The following BCL7C variants were observed in gnomAD, a reference collection of about 807,000 sequenced individuals.
BCL7C encodes B-cell CLL/lymphoma 7 protein family member C.
BCL7C carries 8 observed loss-of-function variants against 26.2 expected under a neutral mutation model. The ratio of observed to expected loss-of-function variants is 0.30; its 90% CI spans 0.18 to 0.55. BCL7C has a LOEUF of 0.55. Ranked by LOEUF, BCL7C falls within the 20% of genes least tolerant of loss-of-function variation. The pLI is 0.93. For missense variants in BCL7C, 262 were observed against 298.5 expected (o/e 0.88, Z 0.90); for synonymous variants, 90 against 116.5 (o/e 0.77, Z 1.47).
At position 30,892,761 on chromosome 16, in the gene BCL7C, A is replaced by G; in HGVS notation, c.281-14T>C. 4.3e-6 allele frequency: 7 copies of G among 1,614,126 alleles called. No homozygotes were observed. The highest frequency in any genetic ancestry group is 5.9e-6 in the Non-Finnish European group (7 of 1,180,004). On this transcript the variant is annotated splice_polypyrimidine_tract_variant and intron_variant, in intron 3 of 5. Transcript: ENST00000215115. ...TGCTGTTCTCATCTGCGGGAGCAAG[A>G]GCCGAGATGGTTGGCCTGAGATCCC...
intron 5 of BCL7C, chr16:30,876,148 T>C (rs2054946085): frequency 6.6e-6 from 1 of 152,284 alleles, no homozygotes; most frequent in Non-Finnish European, 1.5e-5. Flanking sequence ...CCTTGTGCCG[T>C]ACCCGGAGGG....
intron 5 of BCL7C, among the ~76,000 whole-genome samples, chr16:30,878,001 C>T (rs1468851269): frequency 6.6e-6 from 1 of 151,190 alleles, no homozygotes; most frequent in Non-Finnish European, 1.5e-5. Context: ...ATGGTGAAAC[C>T]CCATCTCTAC....
chr16:30,886,667 A>G (rs1169505064), downstream of BCL7C, among the ~76,000 whole-genome samples: 2 of 152,172 alleles, frequency 1.3e-5, no homozygotes, highest in African/African-American at 4.8e-5. Flanking sequence ...ATGAAGCCCA[A>G]GGGGTTGCTG....
chr16:30,889,469 C>G (rs1333927199), intron 4 of BCL7C, among the ~76,000 whole-genome samples: 1 of 152,088 alleles, frequency 6.6e-6, no homozygotes. Flanking sequence ...AGGCCCACAT[C>G]AGGGTTTTCT....
chr16:30,893,921 G>A lies in BCL7C; in HGVS notation c.24C>T (p.Ala8=), dbSNP rs758927922. 2.5e-6 allele frequency: 4 copies of A among 1,595,442 alleles called. No individual in the cohort carries two copies. Among genetic ancestry groups the A allele is most frequent in the African/African-American group, 2.7e-5 (2 of 74,414 alleles). The change falls in exon 1 of 6, where the codon GCC becomes GCT. Residue 8 remains alanine (A), a synonymous_variant. Transcript: ENST00000215115. The surrounding 1 kb of genome is among the most constrained non-coding windows in gnomAD (Gnocchi z 5.2). MAGRTVR[A]ETRSRAKDDI... ...CATCCTTGGCCCGGCTCCGGGTCTCGGCCCGTACAGTCCGGCCGGCCATGC... is the reference window on the plus strand; with the variant it reads ...CATCCTTGGCCCGGCTCCGGGTCTCAGCCCGTACAGTCCGGCCGGCCATGC...
chr16:30,847,393 C>A (rs2054642631), intron 5 of BCL7C, among the ~76,000 whole-genome samples: 1 of 152,146 alleles, frequency 6.6e-6, no homozygotes, highest in Non-Finnish European at 1.5e-5. Flanking sequence ...ACTTTCCTGT[C>A]TGAAAAGGCT....
chr16:30,893,124 C>CG lies in BCL7C; in HGVS notation c.171+87dup. 4 of 1,407,376 alleles carry CG rather than the reference C, an allele frequency of 2.8e-6. No homozygotes were observed. The Admixed American group carries it at 7.7e-5, about 27-fold the overall frequency. 87.2% of individuals were successfully genotyped at this position (1,407,376 alleles called of 1,614,324 possible). ...GTCTGTCCTGCTGCATCTGAGGTCTCGGGGAGCTGGAGGTAGAGGTCAGCG... is the reference window on the plus strand; with the variant it reads ...GTCTGTCCTGCTGCATCTGAGGTCTCGGGGGAGCTGGAGGTAGAGGTCAGCG... On this transcript the variant is annotated intron_variant, in intron 2 of 5. Coordinates refer to ENST00000215115, the MANE Select transcript of BCL7C (RefSeq NM_004765.4). The surrounding 1 kb of genome is among the most constrained non-coding windows in gnomAD (Gnocchi z 5.2).
At chr16:30,879,143 G>C (rs187693189) in intron 5 of BCL7C, among the ~76,000 whole-genome samples, 8 of 152,240 alleles carry the variant, frequency 5.3e-5, no homozygotes, top group Admixed American at 4.6e-4. Flanking sequence ...TCAAGACTGG[G>C]GTGTCTCCTG....
At chr16:30,863,288 C>G (rs1312603337) in intron 5 of BCL7C, among the ~76,000 whole-genome samples, 1 of 152,218 alleles carries the variant, frequency 6.6e-6, no homozygotes, top group African/African-American at 2.4e-5. Context: ...CCCCTCTTCA[C>G]TACTTCTCAG....
At chr16:30,865,406 CA>C (rs952646482) in intron 5 of BCL7C, among the ~76,000 whole-genome samples, 11 of 149,122 alleles carry the variant, frequency 7.4e-5, no homozygotes, top group East Asian at 2.0e-4. Context: ...CAGTCTCTAC[CA>C]AAAAAAAAAT....
chr16:30,850,392 C>T (rs1157510616), intron 5 of BCL7C, among the ~76,000 whole-genome samples: 1 of 152,098 alleles, frequency 6.6e-6, no homozygotes, highest in African/African-American at 2.4e-5. Flanking sequence ...GCACTATATA[C>T]AGTCATGTGT....
Position 30,869,035 on chromosome 16 carries a change from G to A in BCL7C, c.528+19825C>T, listed in dbSNP as rs562004756. Among the ~76,000 whole-genome samples, 19 of 147,558 alleles carry A rather than the reference G, an allele frequency of 1.3e-4. 1 individual carries two copies. In the South Asian group the frequency reaches 2.8e-3, roughly 22 times the overall value. ...GTTGGGATTACAGGTGTGAGCCACC[G>A]CACCCAGCCATGAATCTAATTTTTT... is the stretch of plus-strand genomic sequence containing the variant. On this transcript the variant is annotated intron_variant, in intron 5 of 5. Coordinates refer to the BCL7C transcript ENST00000380317.
downstream of BCL7C, among the ~76,000 whole-genome samples, chr16:30,882,990 A>G (rs576807600): frequency 3.9e-5 from 6 of 152,252 alleles, no homozygotes; most frequent in African/African-American, 9.6e-5. Flanking sequence ...GGATATCCCA[A>G]TGGAGATGTG....
intron 5 of BCL7C, among the ~76,000 whole-genome samples, chr16:30,869,651 A>C (rs2054866072): frequency 6.6e-6 from 1 of 151,936 alleles, no homozygotes; most frequent in African/African-American, 2.4e-5. Context: ...AGCTGGGACT[A>C]CAAGTGAGGA....
rs185452212 is a variant in BCL7C at position 30,865,095 on chromosome 16, G to A, written c.528+23765C>T. Among the ~76,000 whole-genome samples, 1,044 of 149,864 alleles carry A rather than the reference G, an allele frequency of 7.0e-3. 4 individuals carry two copies. Among genetic ancestry groups the A allele is most frequent in the Non-Finnish European group, 0.012 (814 of 67,634 alleles). On this transcript the variant is annotated intron_variant, in intron 5 of 5. Coordinates refer to the BCL7C transcript ENST00000380317. ...AGGCAGGAGAATCACTTGAACCTGG[G>A]AGGCGGAGCTTGCAGTGAGCCGAGA...
At position 30,892,927 on chromosome 16, in the gene BCL7C, C is replaced by T. The variant is rs774738787; in HGVS notation, c.193G>A (p.Gly65Arg). The T allele has an allele frequency of 5.7e-5, 92 of 1,612,730 alleles. 1 individual carries two copies. Among genetic ancestry groups the T allele is most frequent in the South Asian group, 5.1e-4 (46 of 91,028 alleles). ...TCCCGGCCACGGGATCTCTCTGCCCCGCCACCTGCCCGCCTTCGCTCCTGG... is the reference window on the plus strand; with the variant it reads ...TCCCGGCCACGGGATCTCTCTGCCCTGCCACCTGCCCGCCTTCGCTCCTGG... ...QEEERRRAGG[G>R]AERSRGRERR... The change falls in exon 3 of 6, where the codon GGG (glycine) becomes AGG (arginine). Residue 65 changes from glycine to arginine, a missense_variant. Gly to Arg is a moderately radical substitution (Grantham distance 125). Transcript: ENST00000215115.
chr16:30,879,710 C>T (rs1419290917), intron 5 of BCL7C, among the ~76,000 whole-genome samples: 1 of 17,610 alleles, frequency 5.7e-5, no homozygotes, highest in African/African-American at 1.1e-4. Context: ...AAAAAAAAAA[C>T]TGGGCACGGT....
intron 5 of BCL7C, among the ~76,000 whole-genome samples, chr16:30,864,702 CCT>C (rs1422918815): frequency 2.0e-5 from 3 of 152,146 alleles, no homozygotes; most frequent in Non-Finnish European, 2.9e-5. Flanking sequence ...CATCATATCC[CCT>C]GTGACCTGCA....
Position 30,834,721 on chromosome 16 carries a change from T to C in BCL7C, c.*227A>G, listed in dbSNP as rs1335526854. 2.3e-6 allele frequency: 1 copy of C among 436,780 alleles called. No homozygotes were observed. The highest frequency in any genetic ancestry group is 3.8e-5 in the East Asian group (1 of 26,088). 27.1% of individuals were successfully genotyped at this position (436,780 alleles called of 1,614,324 possible). A position where few individuals can be genotyped will look rare whatever the true frequency, so the allele number is the denominator to read the frequency against. On this transcript the variant is annotated 3_prime_UTR_variant, in exon 6 of 6. Coordinates refer to the BCL7C transcript ENST00000380317. This position sits in a 1 kb window ranked among gnomAD's most constrained non-coding sequence, Gnocchi z 4.3. Reference sequence around the variant, plus strand: ...TAGCAAGGCGGCCTCAGGCACTGGATGTGGTCCGAGTTCTGCCCTAAGCCC... The same window carrying C: ...TAGCAAGGCGGCCTCAGGCACTGGACGTGGTCCGAGTTCTGCCCTAAGCCC...
Sources: allele counts gnomAD v4.1 joint callset (sites outside exome capture counted in the v4.1 genomes callset), GRCh38; gene constraint gnomAD v4.1.1; non-coding constraint Gnocchi (gnomAD v3.1); transcripts MANE v1.5; gene names NCBI Gene and HGNC (gene_info 2026-07-23, HGNC 2026-07-21).